The following ANKH variants were observed in gnomAD, a reference collection of about 807,000 sequenced individuals.
The protein encoded by ANKH is mineralization regulator ANKH.
Under a neutral mutation model 49.0 loss-of-function variants are expected in ANKH, and 15 were observed. That is an observed-to-expected ratio of 0.31 (90% CI 0.20 to 0.47). ANKH has a LOEUF of 0.47. Among genes scored for constraint, ANKH ranks in the 20% least tolerant of loss-of-function variants. ANKH has a pLI of 1.00. For missense variants in ANKH, 429 were observed against 652.0 expected, an observed-to-expected ratio of 0.66 and a Z score of 3.72; for synonymous variants, 273 against 260.0, an observed-to-expected ratio of 1.05 and a Z score of -0.48.
At chr5:14,811,265 T>C (rs1166978287) in intron 1 of ANKH, among the ~76,000 whole-genome samples, 1 of 152,076 alleles carries the variant, frequency 6.6e-6, no homozygotes, top group African/African-American at 2.4e-5. Context: ...AAAAAGACAG[T>C]GCTGACCAAT....
chr5:14,778,611 C>T (rs1561051407), intron 1 of ANKH, among the ~76,000 whole-genome samples: 2 of 152,178 alleles, frequency 1.3e-5, no homozygotes, highest in Non-Finnish European at 1.5e-5. Context: ...CCCACTCCCT[C>T]GATTCTAAAC....
intron 3 of ANKH, among the ~76,000 whole-genome samples, chr5:14,757,968 G>A (rs1738955367): frequency 6.6e-6 from 1 of 152,144 alleles, no homozygotes; most frequent in Admixed American, 6.5e-5. Flanking sequence ...TCAGATATTT[G>A]CACACTCACG....
At chr5:14,776,705 T>C (rs932291289) in intron 1 of ANKH, among the ~76,000 whole-genome samples, 6 of 152,170 alleles carry the variant, frequency 3.9e-5, no homozygotes, top group Non-Finnish European at 8.8e-5. Flanking sequence ...GCAAAGAAAG[T>C]GTCTAGGATG....
In ANKH at chr5:14,755,858, T is replaced by C. The variant is rs1166280554; in HGVS notation, c.516+3A>G. 1 of 1,613,680 alleles carries C rather than the reference T, an allele frequency of 6.2e-7. No homozygotes were observed. On this transcript the variant is annotated splice_donor_region_variant and intron_variant, in intron 4 of 11. Coordinates refer to ENST00000284268, the MANE Select transcript of ANKH (RefSeq NM_054027.6). The stretch of plus-strand genomic sequence containing the variant: ...CTCTGATTGACACACAGACCATATT[T>C]ACCTGAGCTATGACATCTGAGATTG...
At chr5:14,739,506 T>C (rs777139171) in intron 8 of ANKH, among the ~76,000 whole-genome samples, 15 of 152,246 alleles carry the variant, frequency 9.9e-5, no homozygotes, top group Non-Finnish European at 1.8e-4. Flanking sequence ...GTTGGATCAA[T>C]TGATTGAATC....
chr5:14,754,243 G>A (rs1375796339), intron 4 of ANKH, among the ~76,000 whole-genome samples: 1 of 152,092 alleles, frequency 6.6e-6, no homozygotes, highest in African/African-American at 2.4e-5. Flanking sequence ...GAAAATGGCT[G>A]TAGGTGTATT....
intron 8 of ANKH, among the ~76,000 whole-genome samples, chr5:14,739,891 C>A (rs958135987): frequency 4.6e-5 from 7 of 152,178 alleles, no homozygotes; most frequent in South Asian, 4.1e-4. Flanking sequence ...CTTCAAGTCA[C>A]AGATGGTTTT....
At chr5:14,761,753 C>A (rs1274550791) in intron 2 of ANKH, among the ~76,000 whole-genome samples, 3 of 126,308 alleles carry the variant, frequency 2.4e-5, no homozygotes, top group Non-Finnish European at 4.9e-5. Flanking sequence ...CATTCCTTGT[C>A]CCCTTTTGCC....
intron 8 of ANKH, among the ~76,000 whole-genome samples, chr5:14,730,644 C>T (rs940823285): frequency 3.9e-5 from 6 of 152,192 alleles, no homozygotes; most frequent in Non-Finnish European, 8.8e-5. Context: ...CACGCAGAGT[C>T]GACCTTTAAG....
intron 1 of ANKH, among the ~76,000 whole-genome samples, chr5:14,835,281 G>A (rs1009854013): frequency 6.6e-6 from 1 of 152,164 alleles, no homozygotes; most frequent in African/African-American, 2.4e-5. Context: ...TCAGCGAGAT[G>A]ACTGCTGTCC....
At chr5:14,857,180 C>G (rs1735301384) in intron 1 of ANKH, among the ~76,000 whole-genome samples, 1 of 152,102 alleles carries the variant, frequency 6.6e-6, no homozygotes, top group Admixed American at 6.5e-5. Context: ...CATCCTCCCA[C>G]TAACTAGAGA....
chr5:14,856,758 G>A (rs1036113943), intron 1 of ANKH, among the ~76,000 whole-genome samples: 1 of 151,952 alleles, frequency 6.6e-6, no homozygotes, highest in African/African-American at 2.4e-5. Context: ...CTTTTCTCTC[G>A]CAGGCTGTCA....
At chr5:14,721,470 TATC>T (rs1190823390) in intron 8 of ANKH, among the ~76,000 whole-genome samples, 4 of 152,320 alleles carry the variant, frequency 2.6e-5, no homozygotes, top group Non-Finnish European at 5.9e-5. Flanking sequence ...ACGCCACATT[TATC>T]AAAGTCTCCT....
intron 8 of ANKH, among the ~76,000 whole-genome samples, chr5:14,739,760 C>T (rs1271335401): frequency 6.6e-6 from 1 of 152,142 alleles, no homozygotes; most frequent in Non-Finnish European, 1.5e-5. Flanking sequence ...AGTCACTTGT[C>T]CGGTGTGAAT....
At chr5:14,712,499 G>T (rs1265232324) in intron 11 of ANKH, among the ~76,000 whole-genome samples, 2 of 152,240 alleles carry the variant, frequency 1.3e-5, no homozygotes, top group Non-Finnish European at 2.9e-5. Flanking sequence ...GTCCTTGTGT[G>T]CACAGCCACA....
intron 1 of ANKH, among the ~76,000 whole-genome samples, chr5:14,812,525 G>T (rs1740916579): frequency 6.6e-6 from 1 of 152,168 alleles, no homozygotes; most frequent in Non-Finnish European, 1.5e-5. Context: ...GGGTGACAAA[G>T]ACTCTCTTCC....
intron 1 of ANKH, among the ~76,000 whole-genome samples, chr5:14,819,749 C>T (rs930169680): frequency 2.5e-4 from 38 of 152,076 alleles, no homozygotes; most frequent in African/African-American, 8.4e-4. Flanking sequence ...GTCTATAGTC[C>T]CAACTACTTG....
intron 1 of ANKH, among the ~76,000 whole-genome samples, chr5:14,810,239 C>T (rs1226955314): frequency 6.6e-6 from 1 of 151,492 alleles, no homozygotes; most frequent in African/African-American, 2.4e-5. Flanking sequence ...CTCACTGCAA[C>T]CTCCTCCTCT....
chr5:14,813,240 TA>T (rs5866116), intron 1 of ANKH, among the ~76,000 whole-genome samples: 47,771 of 146,098 alleles, frequency 0.33, 7,836 homozygotes, highest in East Asian at 0.53. Flanking sequence ...AATGGCTATT[TA>T]AAAAAAAAAA....
Sources: gnomAD v4.1 joint callset for allele counts (sites outside exome capture counted in the v4.1 genomes callset) on GRCh38, gnomAD v4.1.1 for gene constraint, MANE v1.5 for transcripts, NCBI Gene and HGNC (gene_info 2026-07-23, HGNC 2026-07-21) for gene names.